C2orf42: variants seen among roughly 807,000 people sequenced by gnomAD.
The protein encoded by C2orf42 is chromosome 2 open reading frame 42, also known as uncharacterized protein C2orf42.
C2orf42 carries 44 observed loss-of-function variants against 58.9 expected under a neutral mutation model. The observed-to-expected ratio is 0.75, with a 90% CI of 0.59 to 0.96. C2orf42 has a LOEUF of 0.96. Ranked by LOEUF, C2orf42 falls within the 40% of genes least tolerant of loss-of-function variation. The probability of loss-of-function intolerance (pLI) is 0.00; values close to 1 mark genes in which losing one functional copy is unlikely to be tolerated. For missense variants in C2orf42, 630 were observed against 699.2 expected (o/e 0.90, Z 1.12); for synonymous variants, 239 against 265.4 (o/e 0.90, Z 0.97).
chr2:70,153,163 T>A (rs1282135533), intron 9 of C2orf42, among the ~76,000 whole-genome samples: 1 of 152,098 alleles, frequency 6.6e-6, no homozygotes, highest in Non-Finnish European at 1.5e-5. Flanking sequence ...ATCTTAGTTT[T>A]GTGTGTTTTT....
rs775208093 is a variant in C2orf42 at position 70,179,605 on chromosome 2, A to G, written c.861T>C (p.His287=). The change falls in exon 4 of 10, where the codon CAT becomes CAC. Residue 287 remains histidine, a synonymous_variant. Transcript: ENST00000264434. ...CACAAGCAGATACTGTTGATTCTGA[A>G]TGGCAACCTAACTGGGGTACAATAA... ...KEIIVPQLGC[H]SESTVSACES... is the part of the protein sequence containing the mutation. 7 of 1,549,218 alleles carry G rather than the reference A, an allele frequency of 4.5e-6. No homozygotes were observed. The South Asian group carries it at 7.8e-5, about 17-fold the overall frequency.
At position 70,160,664 on chromosome 2, in the gene C2orf42, C is replaced by T. The variant is rs142861699; in HGVS notation, c.1477G>A (p.Val493Met). The change falls in exon 9 of 10, where the codon GTG becomes ATG. Residue 493 changes from valine to methionine, a missense_variant. Coordinates refer to ENST00000264434, the MANE Select transcript of C2orf42 (RefSeq NM_017880.3). ...GTTTTTAGTTCCAAGGGTCGCAGCA[C>T]TGGTTGTTTTTCTATACGACCGTAG... ...ETYGRIEKQP[V>M]LRPLELKTFL... The T allele has an allele frequency of 3.4e-4, 548 of 1,610,126 alleles. No individual in the cohort carries two copies. Among genetic ancestry groups the T allele is most frequent in the Non-Finnish European group, 4.5e-4 (525 of 1,179,056 alleles).
chr2:70,179,388 G>A (rs376560027), intron 4 of C2orf42, 144 bp downstream of exon 4: 7 of 319,814 alleles, frequency 2.2e-5, no homozygotes, highest in East Asian at 2.0e-4. Flanking sequence ...GGGCAAGATG[G>A]TAAGACCCCT....
rs1163658858 is a variant in C2orf42 at position 70,163,326 on chromosome 2, G to C, written c.1353+1766C>G. Reference sequence around the variant, plus strand: ...GTGGTGCGATCTCGGCTCACTGCAAGCTCCGCCTCCCGGGTTCACACCATT... The same window carrying C: ...GTGGTGCGATCTCGGCTCACTGCAACCTCCGCCTCCCGGGTTCACACCATT... On this transcript the variant is annotated intron_variant, in intron 8 of 9. Coordinates refer to ENST00000264434, the MANE Select transcript of C2orf42 (RefSeq NM_017880.3). Among the ~76,000 whole-genome samples the C allele has an allele frequency of 7.5e-5, 11 of 147,574 alleles. No homozygotes were observed. In the East Asian group the frequency reaches 8.5e-4, roughly 11 times the overall value.
chr2:70,155,982 C>T (rs958678572), intron 9 of C2orf42, among the ~76,000 whole-genome samples: 1 of 151,532 alleles, frequency 6.6e-6, no homozygotes, highest in Non-Finnish European at 1.5e-5. Context: ...GTGGAGAAAC[C>T]CCATCTCTAC....
chr2:70,162,097 C>T (rs1249753256), intron 8 of C2orf42, among the ~76,000 whole-genome samples: 1 of 151,552 alleles, frequency 6.6e-6, no homozygotes, highest in Non-Finnish European at 1.5e-5. Context: ...CTGCAACCTC[C>T]GCCTCCCAGG....
intron 8 of C2orf42, among the ~76,000 whole-genome samples, chr2:70,164,489 G>C (rs532702123): frequency 6.6e-6 from 1 of 151,868 alleles, no homozygotes; most frequent in Non-Finnish European, 1.5e-5. Context: ...AAAATTAGCC[G>C]GGTATGGTGG....
chr2:70,175,488 C>T (rs1395952868), intron 5 of C2orf42, among the ~76,000 whole-genome samples, 185 bp downstream of exon 5: 1 of 152,186 alleles, frequency 6.6e-6, no homozygotes, highest in Non-Finnish European at 1.5e-5. Context: ...GGATAATGGC[C>T]TCCAGCATAA....
At position 70,181,355 on chromosome 2, in the gene C2orf42, T is replaced by C; in HGVS notation, c.631A>G (p.Lys211Glu). ...TCAGGCAAGCTTTTGCCACTGACTT[T>C]CTGCACAAAAGATGTATGCAAATAC... ...LGYLHTSFVQ[K>E]VSGKSLPERR... The change falls in exon 3 of 10, where the codon AAA (lysine) becomes GAA (glutamate). Residue 211 changes from lysine (K) to glutamate (E), a missense_variant. By Grantham distance (56) the Lys-to-Glu change is moderately conservative. Coordinates refer to ENST00000264434, the MANE Select transcript of C2orf42 (RefSeq NM_017880.3). 1.2e-6 allele frequency: 2 copies of C among 1,614,146 alleles called. No individual in the cohort carries two copies. Among genetic ancestry groups the C allele is most frequent in the Non-Finnish European group, 1.7e-6 (2 of 1,179,984 alleles).
At chr2:70,158,190 C>T (rs1672806959) in intron 9 of C2orf42, among the ~76,000 whole-genome samples, 1 of 147,566 alleles carries the variant, frequency 6.8e-6, no homozygotes, top group Non-Finnish European at 1.5e-5. Flanking sequence ...CAGAGTGAGA[C>T]TCGGTCTCAA....
At position 70,160,807 on chromosome 2, in the gene C2orf42, C is replaced by CA. The variant is rs770059802; in HGVS notation, c.1354-21dup. On this transcript the variant is annotated intron_variant, in intron 8 of 9. Coordinates refer to ENST00000264434, the MANE Select transcript of C2orf42 (RefSeq NM_017880.3). ...GGGCATCTGGACACCAAGACAATACCAAAAAAAGGTGAGAGAGAAAACTTT... is the reference window on the plus strand; with the variant it reads ...GGGCATCTGGACACCAAGACAATACCAAAAAAAAGGTGAGAGAGAAAACTTT... 13 of 1,525,642 alleles carry CA rather than the reference C, an allele frequency of 8.5e-6. No individual in the cohort carries two copies. Among genetic ancestry groups the CA allele is most frequent in the African/African-American group, 2.9e-5 (2 of 70,112 alleles). The allele number at this position is 1,525,642 out of a possible 1,614,324, so 94.5% of individuals were successfully genotyped here.
intron 8 of C2orf42, among the ~76,000 whole-genome samples, chr2:70,161,183 A>G (rs1572980436): frequency 2.0e-5 from 3 of 152,178 alleles, no homozygotes; most frequent in East Asian, 3.8e-4. Context: ...CACATCCTGT[A>G]TGCTTCATAC....
At chr2:70,154,884 T>C (rs979610571) in intron 9 of C2orf42, among the ~76,000 whole-genome samples, 2 of 151,784 alleles carry the variant, frequency 1.3e-5, no homozygotes, top group African/African-American at 2.4e-5. Flanking sequence ...GCCTCCAAAG[T>C]AGCTGGGACC....
At chr2:70,180,920 G>A (rs190940144) in intron 3 of C2orf42, among the ~76,000 whole-genome samples, 625 of 144,246 alleles carry the variant, frequency 4.3e-3, no homozygotes, top group Non-Finnish European at 7.5e-3. Context: ...GTAGGATCTC[G>A]AGCCTGGGAG....
chr2:70,189,236 A>C (rs1292470054), intron 1 of C2orf42, among the ~76,000 whole-genome samples: 1 of 149,826 alleles, frequency 6.7e-6, no homozygotes, highest in Non-Finnish European at 1.5e-5. Flanking sequence ...GAGAAACCCT[A>C]TCTCTACTAA....
In C2orf42 at chr2:70,157,970, G is replaced by A. The variant is rs952394514; in HGVS notation, c.1516+2655C>T. Among the ~76,000 whole-genome samples, 5 of 152,218 alleles carry A rather than the reference G, an allele frequency of 3.3e-5. No individual in the cohort carries two copies. The South Asian group carries it at 1.0e-3, about 32-fold the overall frequency. On this transcript the variant is annotated intron_variant, in intron 9 of 9. Transcript: ENST00000264434. ...AATCCCAGCACTTTGGGAGGCCGAG[G>A]TGGGCGGATCACCAGACGTCCAGAG...
rs1674524992 is a variant in C2orf42 at position 70,181,003 on chromosome 2, A to AAAAAC, written c.823+159_823+160insGTTTT. 6.8e-4 allele frequency among the ~76,000 whole-genome samples: 4 copies of AAAAAC among 5,854 alleles called. No homozygotes were observed. The African/African-American group carries it at 7.2e-3, about 10-fold the overall frequency. The allele number at this position is 5,854 out of a possible 152,430, so 3.8% of individuals were successfully genotyped here. On this transcript the variant is annotated intron_variant, in intron 3 of 9. Coordinates refer to ENST00000264434, the MANE Select transcript of C2orf42 (RefSeq NM_017880.3). ...GCAACAAAGTGAGACCTTGTCTCAA[A>AAAAAC]AAAAAAAAAAAAAAAAAAAAAAAAG...
chr2:70,169,872 C>T (rs1673677170), intron 5 of C2orf42, among the ~76,000 whole-genome samples: 1 of 152,094 alleles, frequency 6.6e-6, no homozygotes. Flanking sequence ...GATTCTCCTG[C>T]CTCAGCCTCC....
At chr2:70,178,590 A>T (rs892743438) in intron 4 of C2orf42, among the ~76,000 whole-genome samples, 1 of 152,104 alleles carries the variant, frequency 6.6e-6, no homozygotes, top group Non-Finnish European at 1.5e-5. Context: ...CCTGGGCAAC[A>T]GAGCGAGACT....
Sources: allele counts gnomAD v4.1 joint callset (sites outside exome capture counted in the v4.1 genomes callset), GRCh38; gene constraint gnomAD v4.1.1; transcripts MANE v1.5; gene names NCBI Gene and HGNC (gene_info 2026-07-23, HGNC 2026-07-21).